Variants in IBTK observed in about 807,000 individuals in gnomAD.
The protein encoded by IBTK is BTK-binding protein.
Under a neutral mutation model 154.9 loss-of-function variants are expected in IBTK, and 83 were observed. That is an observed-to-expected ratio of 0.54 (90% CI 0.45 to 0.64). The LOEUF is 0.64. Among genes scored for constraint, IBTK ranks in the 30% least tolerant of loss-of-function variants. The pLI, the probability that IBTK is intolerant of heterozygous loss-of-function variation, is 0.00. For synonymous variants in IBTK, 515 were observed against 536.1 expected, an observed-to-expected ratio of 0.96 and a Z score of 0.54; for missense variants, 1,332 against 1,584.6, an observed-to-expected ratio of 0.84 and a Z score of 2.71.
chr6:82,173,591 C>T (rs1404009455), intron 26 of IBTK, 153 bp from the exon 27 acceptor site: 8 of 473,760 alleles, frequency 1.7e-5, no homozygotes, highest in Non-Finnish European at 3.0e-5. Context: ...TATAAGTAAA[C>T]AAAATAATCT....
At chr6:82,225,301 C>T (rs540889110) in intron 6 of IBTK, among the ~76,000 whole-genome samples, 176 bp downstream of exon 6, 44 of 152,032 alleles carry the variant, frequency 2.9e-4, no homozygotes, top group African/African-American at 1.0e-3. Flanking sequence ...CAGAGGAAGA[C>T]TCTGTCTCAA....
intron 28 of IBTK, among the ~76,000 whole-genome samples, 197 bp from the exon 29 acceptor site, chr6:82,171,753 A>G (rs1401260951): frequency 6.6e-6 from 1 of 152,220 alleles, no homozygotes; most frequent in East Asian, 1.9e-4. Context: ...GGTGTGAGGT[A>G]GAATCATGAG....
chr6:82,224,603 A>G (rs1764885586), intron 6 of IBTK, among the ~76,000 whole-genome samples: 1 of 152,122 alleles, frequency 6.6e-6, no homozygotes, highest in Admixed American at 6.6e-5. Flanking sequence ...TTGTCGTGCG[A>G]TTGTCCTGTG....
chr6:82,209,360 C>A (rs1769540902), intron 16 of IBTK, among the ~76,000 whole-genome samples: 1 of 152,158 alleles, frequency 6.6e-6, no homozygotes, highest in South Asian at 2.1e-4. Flanking sequence ...TATATCCACA[C>A]AATAAATATT....
At chr6:82,176,913 C>G (rs1172073326) in intron 26 of IBTK, among the ~76,000 whole-genome samples, 1 of 152,058 alleles carries the variant, frequency 6.6e-6, no homozygotes, top group Non-Finnish European at 1.5e-5. Context: ...TTTTAAAAAT[C>G]CCATCCTGTA....
chr6:82,197,985 C>A (rs1769063149), intron 21 of IBTK, among the ~76,000 whole-genome samples: 1 of 152,110 alleles, frequency 6.6e-6, no homozygotes, highest in Non-Finnish European at 1.5e-5. Context: ...ATATCCTGGC[C>A]ACAGAAAGAA....
chr6:82,182,032 C>A lies in IBTK; in HGVS notation c.3576-4G>T, dbSNP rs1321473135. On this transcript the variant is annotated splice_region_variant and splice_polypyrimidine_tract_variant and intron_variant, in intron 25 of 28. Coordinates refer to ENST00000306270, the MANE Select transcript of IBTK (RefSeq NM_015525.4). Reference sequence around the variant, plus strand: ...AACTGAATGCAGAGAAGATGCCCTGCAAAAGAAAGCAAAGATCATGTTAAA... The same window carrying A: ...AACTGAATGCAGAGAAGATGCCCTGAAAAAGAAAGCAAAGATCATGTTAAA... The A allele has an allele frequency of 6.3e-7, 1 of 1,586,212 alleles. No homozygotes were observed. Among genetic ancestry groups the A allele is most frequent in the South Asian group, 1.2e-5 (1 of 84,434 alleles).
chr6:82,216,057 T>G lies in IBTK; in HGVS notation c.1601+19A>C, dbSNP rs771316778. 45 of 1,558,794 alleles carry G rather than the reference T, an allele frequency of 2.9e-5. No homozygotes were observed. The highest frequency in any genetic ancestry group is 3.8e-5 in the Non-Finnish European group (44 of 1,152,956). On this transcript the variant is annotated intron_variant, in intron 11 of 28. Transcript: ENST00000306270. Reference sequence around the variant, plus strand: ...GATTGTTCCTTCTAAAAAATGAAATTTAATATATACAAGTATACCTTGTTT... The same window carrying G: ...GATTGTTCCTTCTAAAAAATGAAATGTAATATATACAAGTATACCTTGTTT...
At chr6:82,200,088 G>T in intron 21 of IBTK, 53 bp downstream of exon 21, 2 of 1,103,432 alleles carry the variant, frequency 1.8e-6, no homozygotes, top group Non-Finnish European at 2.7e-6. Context: ...TGACATATGT[G>T]AATAGAGACA....
intron 4 of IBTK, among the ~76,000 whole-genome samples, chr6:82,229,646 T>C (rs138450158): frequency 3.9e-5 from 6 of 152,248 alleles, no homozygotes; most frequent in African/African-American, 1.4e-4. Flanking sequence ...GAGCAGCTTG[T>C]ACACTTGCTG....
At chr6:82,209,521 A>AG (rs1375795407) in intron 16 of IBTK, among the ~76,000 whole-genome samples, 1 of 152,232 alleles carries the variant, frequency 6.6e-6, no homozygotes, top group African/African-American at 2.4e-5. Context: ...GCAAATCCAT[A>AG]GAGACAGAAA....
chr6:82,231,698 A>G lies in IBTK; in HGVS notation c.543+20T>C. The G allele has an allele frequency of 1.9e-6, 3 of 1,578,714 alleles. No individual in the cohort carries two copies. Among genetic ancestry groups the G allele is most frequent in the Non-Finnish European group, 2.6e-6 (3 of 1,161,648 alleles). The stretch of plus-strand genomic sequence containing the variant: ...TTCTTTCTCATCTCTAAAAGTATAT[A>G]GATTGTACTTCAAAAATACCTGCTT... On this transcript the variant is annotated intron_variant, in intron 4 of 28. Transcript: ENST00000306270.
intron 2 of IBTK, among the ~76,000 whole-genome samples, chr6:82,234,859 T>C (rs933695110): frequency 3.3e-5 from 5 of 152,038 alleles, no homozygotes; most frequent in Non-Finnish European, 5.9e-5. Context: ...TAACTACATG[T>C]GAACTTTTTT....
chr6:82,201,897 T>A (rs570963152), intron 18 of IBTK, among the ~76,000 whole-genome samples: 32 of 152,192 alleles, frequency 2.1e-4, no homozygotes, highest in African/African-American at 6.5e-4. Flanking sequence ...GGCTAATTTT[T>A]GTATTTTTAT....
intron 20 of IBTK, 116 bp from the exon 21 acceptor site, chr6:82,200,369 A>G (rs1312556463): frequency 5.0e-6 from 4 of 799,782 alleles, no homozygotes; most frequent in Middle Eastern, 3.7e-4. Flanking sequence ...TTACACTTTC[A>G]ATGTGTTAGA....
intron 23 of IBTK, among the ~76,000 whole-genome samples, chr6:82,192,727 A>C (rs1768814894): frequency 6.7e-6 from 1 of 149,958 alleles, no homozygotes; most frequent in Non-Finnish European, 1.5e-5. Context: ...AGCCTGGGCA[A>C]TGAGGGCGAA....
intron 26 of IBTK, among the ~76,000 whole-genome samples, chr6:82,176,827 G>A (rs1383490964): frequency 3.3e-5 from 5 of 151,758 alleles, no homozygotes; most frequent in Non-Finnish European, 5.9e-5. Context: ...ACTCCCCAAA[G>A]GACCATAAGC....
At chr6:82,209,399 G>A (rs1769541899) in intron 16 of IBTK, among the ~76,000 whole-genome samples, 1 of 152,064 alleles carries the variant, frequency 6.6e-6, no homozygotes, top group African/African-American at 2.4e-5. Context: ...ATGAAGTGTT[G>A]GTACCTGCTA....
At chr6:82,173,596 T>G in intron 26 of IBTK, 158 bp from the exon 27 acceptor site, 1 of 465,422 alleles carries the variant, frequency 2.1e-6, no homozygotes, top group Admixed American at 3.6e-5. Flanking sequence ...GTAAACAAAA[T>G]AATCTATATT....
Sources: allele counts gnomAD v4.1 joint callset (sites outside exome capture counted in the v4.1 genomes callset), GRCh38; gene constraint gnomAD v4.1.1; transcripts MANE v1.5; gene names NCBI Gene and HGNC (gene_info 2026-07-23, HGNC 2026-07-21).